PRSS27: variants seen among roughly 807,000 people sequenced by gnomAD.
The protein encoded by PRSS27 is serine protease 27.
PRSS27 carries 25 observed loss-of-function variants against 32.0 expected under a neutral mutation model. The ratio of observed to expected loss-of-function variants is 0.78; its 90% CI spans 0.57 to 1.09. PRSS27 has a LOEUF of 1.09. PRSS27 is among the 50% of genes least tolerant of loss of function. The probability of loss-of-function intolerance (pLI) is 0.00; values close to 1 mark genes in which losing one functional copy is unlikely to be tolerated. For synonymous variants in PRSS27, 178 were observed against 172.2 expected (o/e 1.03, Z -0.26); for missense variants, 401 against 394.9 (o/e 1.02, Z -0.13).
At chr16:2,715,353 C>T (rs2067694360) in intron 3 of PRSS27, 1 of 208,064 alleles carries the variant, frequency 4.8e-6, no homozygotes. Flanking sequence ...CAGAGTTCCT[C>T]CCGGGAAGAG....
At chr16:2,719,784 G>C (rs1245438609) in intron 1 of PRSS27, among the ~76,000 whole-genome samples, 3 of 152,210 alleles carry the variant, frequency 2.0e-5, no homozygotes, top group East Asian at 3.9e-4. Flanking sequence ...CCTAGAGAAT[G>C]GGGGGAGAGG....
intron 5 of PRSS27, chr16:2,713,300 G>A (rs1241500322): frequency 2.7e-5 from 15 of 554,828 alleles, no homozygotes; most frequent in Middle Eastern, 4.2e-4. Flanking sequence ...GGGTTTCACT[G>A]TGTTAGCCAG....
rs1555455511 is a variant in PRSS27, at chr16:2,712,861, G to C, written c.679-47C>G. 2 of 1,423,766 alleles carry C rather than the reference G, an allele frequency of 1.4e-6. No homozygotes were observed. The highest frequency in any genetic ancestry group is 1.9e-6 in the Non-Finnish European group (2 of 1,072,782). 88.2% of individuals were successfully genotyped at this position (1,423,766 alleles called of 1,614,324 possible). A position where few individuals can be genotyped will look rare whatever the true frequency, so the allele number is the denominator to read the frequency against. ...CGTCAGAGCCCACCTTGAGTTCCCA[G>C]AGACTCAGTTGCAGCCGCACAGGAG... is the stretch of plus-strand genomic sequence containing the variant. On this transcript the variant is annotated intron_variant, in intron 5 of 5. Transcript: ENST00000302641. This position sits in a 1 kb window ranked among gnomAD's most constrained non-coding sequence, Gnocchi z 4.6.
rs768675380 is a variant in PRSS27 at position 2,714,324 on chromosome 16, C to T, written c.249G>A (p.Thr83=). 48 of 1,612,872 alleles carry T rather than the reference C, an allele frequency of 3.0e-5. No individual in the cohort carries two copies. In the Admixed American group the frequency reaches 5.0e-4, roughly 17 times the overall value. The change falls in exon 4 of 6, where the codon ACG becomes ACA. Residue 83 remains threonine (T), a synonymous_variant. Transcript: ENST00000302641. This position sits in a 1 kb window ranked among gnomAD's most constrained non-coding sequence, Gnocchi z 4.7. ...AAHCFRNTSE[T]SLYQVLLGAR... is the part of the protein sequence containing the mutation. Reference sequence around the variant, plus strand: ...CCCCCAGCAGGACCTGGTACAGGGACGTCTCAGAGGTGCTGGCGGGAGAAA... The same window carrying T: ...CCCCCAGCAGGACCTGGTACAGGGATGTCTCAGAGGTGCTGGCGGGAGAAA...
In PRSS27 at chr16:2,715,848, C is replaced by G. The variant is rs373839527; in HGVS notation, c.106G>C (p.Val36Leu). ...CGRPRMLNRM[V>L]GGQDTQEGEW... is the part of the protein sequence containing the mutation. ...CCCTCCTGCGTGTCCTGCCCGCCCA[C>G]CATTCGGTTCAGCATCCTGGGGCGA... The change falls in exon 3 of 6, where the codon GTG (valine) becomes CTG (leucine). Residue 36 changes from valine (V) to leucine (L), a missense_variant. By Grantham distance (32) the Val-to-Leu change is conservative. Coordinates refer to ENST00000302641, the MANE Select transcript of PRSS27 (RefSeq NM_031948.5). The G allele has an allele frequency of 6.3e-6, 10 of 1,599,672 alleles. No individual in the cohort carries two copies. Among genetic ancestry groups the G allele is most frequent in the African/African-American group, 1.3e-5 (1 of 74,714 alleles).
At chr16:2,713,944 C>A in intron 4 of PRSS27, 121 bp downstream of exon 4, 1 of 1,195,496 alleles carries the variant, frequency 8.4e-7, no homozygotes, top group Non-Finnish European at 1.2e-6. Flanking sequence ...CCTGTGTGAA[C>A]AGAGACCGTG....
At chr16:2,716,685 C>T (rs2142067432) in intron 1 of PRSS27, 159 bp from the exon 2 acceptor site, 3 of 697,354 alleles carry the variant, frequency 4.3e-6, no homozygotes, top group East Asian at 5.5e-5. Flanking sequence ...CCTGCAGTTT[C>T]CCCCCCAGGG....
chr16:2,714,015 G>C lies in PRSS27; in HGVS notation c.508+50C>G, dbSNP rs532815677. 20 of 1,548,240 alleles carry C rather than the reference G, an allele frequency of 1.3e-5. No homozygotes were observed. Among genetic ancestry groups the C allele is most frequent in the Admixed American group, 9.4e-5 (5 of 53,356 alleles). On this transcript the variant is annotated intron_variant, in intron 4 of 5. Coordinates refer to ENST00000302641, the MANE Select transcript of PRSS27 (RefSeq NM_031948.5). This position sits in a 1 kb window ranked among gnomAD's most constrained non-coding sequence, Gnocchi z 4.7. ...TTCAGAGTGGTCCCCAAGCCGTCCT[G>C]GGCCTTCTTGAGGCATATCCCCCAT...
At position 2,713,702 on chromosome 16, in the gene PRSS27, G is replaced by A; in HGVS notation, c.509-4C>T. On this transcript the variant is annotated splice_region_variant and splice_polypyrimidine_tract_variant and intron_variant, in intron 4 of 5. Transcript: ENST00000302641. ...ATCCGCGGTTCGGGCAGGAGGTCTGGAGAGGGGCGGAACAGCCCAGGGCTC... is the reference window on the plus strand; with the variant it reads ...ATCCGCGGTTCGGGCAGGAGGTCTGAAGAGGGGCGGAACAGCCCAGGGCTC... 1 of 1,614,094 alleles carries A rather than the reference G, an allele frequency of 6.2e-7. No homozygotes were observed. Among genetic ancestry groups the A allele is most frequent in the Non-Finnish European group, 8.5e-7 (1 of 1,179,972 alleles).
At chr16:2,715,619 C>T (rs1044137562) in intron 3 of PRSS27, 99 bp downstream of exon 3, 41 of 988,300 alleles carry the variant, frequency 4.1e-5, no homozygotes, top group Non-Finnish European at 5.8e-5. Context: ...GGAGGTCACC[C>T]GCAGGATTTG....
In PRSS27 at chr16:2,714,553, G is replaced by A; in HGVS notation, c.237-217C>T. 1.6e-6 allele frequency: 1 copy of A among 606,622 alleles called. No homozygotes were observed. The highest frequency in any genetic ancestry group is 2.9e-6 in the Non-Finnish European group (1 of 340,504). The allele number at this position is 606,622 out of a possible 1,614,324, so 37.6% of individuals were successfully genotyped here. ...ATTTCCACCTCCACCCCTGGCCGCTGTGTGGCCTTGGGCAAGTCACTTAAC... is the reference window on the plus strand; with the variant it reads ...ATTTCCACCTCCACCCCTGGCCGCTATGTGGCCTTGGGCAAGTCACTTAAC... On this transcript the variant is annotated intron_variant, in intron 3 of 5. Transcript: ENST00000302641. The surrounding 1 kb of genome is among the most constrained non-coding windows in gnomAD (Gnocchi z 4.7).
At position 2,718,454 on chromosome 16, in the gene PRSS27, A is replaced by C. The variant is rs553433135; in HGVS notation, c.46+1661T>G. The C allele has an allele frequency of 2.6e-5, 4 of 151,678 alleles. No homozygotes were observed. The South Asian group carries it at 6.3e-4, about 24-fold the overall frequency. 9.4% of individuals were successfully genotyped at this position (151,678 alleles called of 1,614,324 possible). On this transcript the variant is annotated intron_variant, in intron 1 of 5. Transcript: ENST00000302641. ...TGCCTCAGCCTCCCGAGTAGCTGGG[A>C]CTACAGGGGCCCGCCACCAAGCCCG... is the stretch of plus-strand genomic sequence containing the variant.
At chr16:2,716,832 T>G in intron 1 of PRSS27, 1 of 472,814 alleles carries the variant, frequency 2.1e-6, no homozygotes, top group Non-Finnish European at 3.9e-6. Flanking sequence ...CTTCTCATCC[T>G]GGAAAGGGTC....
chr16:2,719,466 C>G (rs920930022), intron 1 of PRSS27, among the ~76,000 whole-genome samples: 13 of 152,160 alleles, frequency 8.5e-5, no homozygotes, highest in African/African-American at 3.1e-4. Context: ...TTTTCCCTGA[C>G]AGAGAGTGTC....
At chr16:2,716,946 CAG>C (rs2067705850) in intron 1 of PRSS27, 1 of 213,452 alleles carries the variant, frequency 4.7e-6, no homozygotes, top group South Asian at 9.8e-5. Flanking sequence ...CGGAACAGCT[CAG>C]AGCGGAAGAG....
At position 2,713,601 on chromosome 16, in the gene PRSS27, G is replaced by C. The variant is rs1267763146; in HGVS notation, c.606C>G (p.Gly202=). The C allele has an allele frequency of 1.2e-6, 2 of 1,614,216 alleles. No individual in the cohort carries two copies. The highest frequency in any genetic ancestry group is 8.5e-7 in the Non-Finnish European group (1 of 1,180,048). The change falls in exon 5 of 6, where the codon GGC becomes GGG. Residue 202 remains glycine (G), a synonymous_variant. Coordinates refer to ENST00000302641, the MANE Select transcript of PRSS27 (RefSeq NM_031948.5). ...CATTCTTGATGGTTTTGGGTTGGTA[G>C]CCAAACTCGGTGTCTTTGCTGTAGA... ...NLLYSKDTEF[G]YQPKTIKNDM...
Position 2,714,504 on chromosome 16 carries a change from T to C in PRSS27, c.237-168A>G, listed in dbSNP as rs1348759984. The C allele has an allele frequency of 2.7e-6, 2 of 750,950 alleles. No individual in the cohort carries two copies. Among genetic ancestry groups the C allele is most frequent in the South Asian group, 1.8e-5 (1 of 56,414 alleles). The allele number at this position is 750,950 out of a possible 1,614,324, so 46.5% of individuals were successfully genotyped here. On this transcript the variant is annotated intron_variant, in intron 3 of 5. Transcript: ENST00000302641. The surrounding 1 kb of genome is among the most constrained non-coding windows in gnomAD (Gnocchi z 4.7). ...GGTGCAGCGGTGATGCGTGTTGACA[T>C]TGAAGCCAGACCGCCCGACTCAGAT...
rs972329584 is a variant in PRSS27, at chr16:2,713,679, C to T, written c.528G>A (p.Arg176=). Residue 176 remains arginine (R), a synonymous_variant, in exon 5 of 6, where the codon CGG becomes CGA. Transcript: ENST00000302641. ...PSEEDLLPEP[R]ILQKLAVPII... ...TGGGCACAGCGAGTTTCTGCAGGATCCGCGGTTCGGGCAGGAGGTCTGGAG... is the reference window on the plus strand; with the variant it reads ...TGGGCACAGCGAGTTTCTGCAGGATTCGCGGTTCGGGCAGGAGGTCTGGAG... 1 of 1,614,216 alleles carries T rather than the reference C, an allele frequency of 6.2e-7. No homozygotes were observed. The highest frequency in any genetic ancestry group is 8.5e-7 in the Non-Finnish European group (1 of 1,180,028).
intron 1 of PRSS27, chr16:2,716,845 C>T (rs1034129131): frequency 4.4e-6 from 2 of 451,816 alleles, no homozygotes; most frequent in South Asian, 3.0e-5. Context: ...AAAGGGTCCT[C>T]TCCCTCCACA....
Sources: allele counts gnomAD v4.1 joint callset (sites outside exome capture counted in the v4.1 genomes callset), GRCh38; gene constraint gnomAD v4.1.1; non-coding constraint Gnocchi (gnomAD v3.1); transcripts MANE v1.5; gene names NCBI Gene and HGNC (gene_info 2026-07-23, HGNC 2026-07-21).